PDE1C: variants seen among roughly 807,000 people sequenced by gnomAD.
The protein encoded by PDE1C is dual specificity calcium/calmodulin-dependent 3',5'-cyclic nucleotide phosphodiesterase 1C.
PDE1C carries 62 observed loss-of-function variants against 93.1 expected under a neutral mutation model. That is an observed-to-expected ratio of 0.67 (90% confidence interval 0.54 to 0.82). PDE1C has a LOEUF of 0.82. PDE1C is among the 40% of genes least tolerant of loss of function. The pLI, the probability that PDE1C is intolerant of heterozygous loss-of-function variation, is 0.00. For synonymous variants in PDE1C, 325 were observed against 310.1 expected (o/e 1.05, Z -0.50); for missense variants, 742 against 884.6 (o/e 0.84, Z 2.04).
the PDE1C span, chr7:31,651,993 A>G: frequency 2.1e-4 from 335 of 1,606,690 alleles, 2 homozygotes; most frequent in African/African-American, 4.0e-3. Flanking sequence ...AGCAGGTGGC[A>G]GAGTTGGAAT....
chr7:32,333,702 C>T (rs537479018), intron 1 of PDE1C, among the ~76,000 whole-genome samples: 1 of 152,318 alleles, frequency 6.6e-6, no homozygotes, highest in Non-Finnish European at 1.5e-5. Context: ...ATACTACCTA[C>T]ATCGTGGGAC....
At chr7:32,326,551 T>A (rs1247098441) in intron 1 of PDE1C, among the ~76,000 whole-genome samples, 4 of 151,976 alleles carry the variant, frequency 2.6e-5, no homozygotes, top group Admixed American at 6.6e-5. Flanking sequence ...CTAAGTTTAA[T>A]GCCTAGGACC....
the PDE1C span, among the ~76,000 whole-genome samples, chr7:31,688,051 A>T: frequency 6.6e-6 from 1 of 152,196 alleles, no homozygotes; most frequent in East Asian, 1.9e-4. Context: ...TAAAGAGATA[A>T]TTCTGATAGA....
At chr7:32,146,250 A>G (rs1470833504) in intron 3 of PDE1C, among the ~76,000 whole-genome samples, 1 of 152,150 alleles carries the variant, frequency 6.6e-6, no homozygotes, top group African/African-American at 2.4e-5. Flanking sequence ...TCCATTTCCC[A>G]TTGCCACTGG....
At chr7:32,295,070 A>G (rs756936311) in intron 1 of PDE1C, among the ~76,000 whole-genome samples, 8 of 152,238 alleles carry the variant, frequency 5.3e-5, no homozygotes, top group Non-Finnish European at 1.0e-4. Flanking sequence ...ACAGGGAAGC[A>G]TGGGACTGAG....
Position 32,334,603 on chromosome 7 carries a change from C to G in PDE1C, c.310+93219G>C, listed in dbSNP as rs554005047. 4.5e-4 allele frequency among the ~76,000 whole-genome samples: 65 copies of G among 145,582 alleles called. No individual in the cohort carries two copies. In the East Asian group the frequency reaches 0.014, roughly 32 times the overall value. ...TGCCCGCCCTCCCACCCTCCCCCCC[C>G]ATGTCCCCAAAGTCCAATATATAAT... On this transcript the variant is annotated intron_variant, in intron 1 of 1. Coordinates refer to the PDE1C transcript ENST00000672256.
the PDE1C span, among the ~76,000 whole-genome samples, chr7:31,667,457 T>G: frequency 2.5e-3 from 376 of 152,230 alleles, 3 homozygotes; most frequent in African/African-American, 8.8e-3. Context: ...AGAATATAGT[T>G]TAAATACAGT....
At chr7:32,245,645 T>C (rs1479084867) in intron 1 of PDE1C, among the ~76,000 whole-genome samples, 1 of 152,196 alleles carries the variant, frequency 6.6e-6, no homozygotes, top group Non-Finnish European at 1.5e-5. Flanking sequence ...TCTGGGTTGC[T>C]CTAACAAAAT....
intron 3 of PDE1C, among the ~76,000 whole-genome samples, chr7:32,125,943 A>C (rs760434440): frequency 6.6e-6 from 1 of 151,806 alleles, no homozygotes; most frequent in Non-Finnish European, 1.5e-5. Flanking sequence ...ATGCCTCAAG[A>C]CACTGGACCT....
intron 9 of PDE1C, 22 bp downstream of exon 9, chr7:31,847,946 C>T (rs759395854): frequency 1.2e-5 from 19 of 1,611,378 alleles, no homozygotes; most frequent in Non-Finnish European, 1.4e-5. Flanking sequence ...GCCTACAAAT[C>T]TCTCTCTTTT....
chr7:32,094,076 C>T (rs1797619620), intron 3 of PDE1C, among the ~76,000 whole-genome samples: 1 of 152,208 alleles, frequency 6.6e-6, no homozygotes, highest in Non-Finnish European at 1.5e-5. Context: ...GCAAGTGTCC[C>T]CCATGGCATA....
chr7:32,369,438 T>C (rs1208228292), intron 1 of PDE1C, among the ~76,000 whole-genome samples: 1 of 152,186 alleles, frequency 6.6e-6, no homozygotes, highest in Non-Finnish European at 1.5e-5. Context: ...CAGTGAGTTA[T>C]AATCTCATCC....
chr7:31,989,232 G>A (rs192540918), intron 2 of PDE1C, among the ~76,000 whole-genome samples: 3 of 152,036 alleles, frequency 2.0e-5, no homozygotes, highest in Non-Finnish European at 4.4e-5. Flanking sequence ...TTTGTGTTAA[G>A]GTCATATCCT....
At chr7:31,642,851 A>C in the PDE1C span, 1 of 1,613,908 alleles carries the variant, frequency 6.2e-7, no homozygotes, top group South Asian at 1.1e-5. Context: ...AATGCCTTGG[A>C]ACAAAGGGCC....
At chr7:32,163,700 G>A (rs919353382) in intron 3 of PDE1C, among the ~76,000 whole-genome samples, 2 of 152,078 alleles carry the variant, frequency 1.3e-5, no homozygotes, top group Non-Finnish European at 2.9e-5. Context: ...CAAAGCAAAG[G>A]AACTGAGATG....
chr7:31,895,151 C>A (rs1297115189), intron 2 of PDE1C, among the ~76,000 whole-genome samples: 1 of 152,154 alleles, frequency 6.6e-6, no homozygotes, highest in Non-Finnish European at 1.5e-5. Flanking sequence ...TTTCAGAGGT[C>A]CCCTGTGCCC....
At chr7:31,987,704 AG>A (rs1385344733) in intron 2 of PDE1C, among the ~76,000 whole-genome samples, 2 of 152,218 alleles carry the variant, frequency 1.3e-5, no homozygotes, top group Non-Finnish European at 2.9e-5. Flanking sequence ...TTATATCGTT[AG>A]AAGCACACAA....
chr7:31,983,870 G>A (rs1783022996), intron 2 of PDE1C, among the ~76,000 whole-genome samples: 1 of 152,092 alleles, frequency 6.6e-6, no homozygotes, highest in Non-Finnish European at 1.5e-5. Flanking sequence ...CACATGCAGG[G>A]GCTCTTCTGA....
intron 3 of PDE1C, among the ~76,000 whole-genome samples, chr7:32,080,393 A>AAGT (rs749945970): frequency 6.6e-6 from 1 of 152,138 alleles, no homozygotes; most frequent in Non-Finnish European, 1.5e-5. Flanking sequence ...TTATGGCACA[A>AAGT]AGTTAGTGAT....
Sources: gnomAD v4.1 joint callset for allele counts (sites outside exome capture counted in the v4.1 genomes callset) on GRCh38, gnomAD v4.1.1 for gene constraint, MANE v1.5 for transcripts, NCBI Gene and HGNC (gene_info 2026-07-23, HGNC 2026-07-21) for gene names.